The following USH2A variants were observed in gnomAD, a reference collection of about 807,000 sequenced individuals.
USH2A encodes the protein usherin.
USH2A carries 443 observed loss-of-function variants against 538.9 expected under a neutral mutation model. That is an observed-to-expected ratio of 0.82 (90% CI 0.76 to 0.89). The LOEUF is 0.89. Ranked by LOEUF, USH2A falls within the 40% of genes least tolerant of loss-of-function variation. USH2A has a pLI of 0.00. For synonymous variants in USH2A, 2,413 were observed against 2,273.5 expected (o/e 1.06, Z -1.75); for missense variants, 6,633 against 6,324.8 (o/e 1.05, Z -1.65).
chr1:216,405,522 T>C (rs2039380955), intron 3 of USH2A, among the ~76,000 whole-genome samples: 1 of 152,150 alleles, frequency 6.6e-6, no homozygotes, highest in Admixed American at 6.6e-5. Context: ...TTATTTTAAA[T>C]AGTAAAATAA....
At chr1:216,085,795 C>A (rs2032111367) in intron 24 of USH2A, among the ~76,000 whole-genome samples, 1 of 151,688 alleles carries the variant, frequency 6.6e-6, no homozygotes, top group South Asian at 2.1e-4. Flanking sequence ...TGAATGAAAA[C>A]CCTCTCTAAT....
At chr1:215,955,890 A>G (rs1481579518) in intron 37 of USH2A, among the ~76,000 whole-genome samples, 2 of 152,188 alleles carry the variant, frequency 1.3e-5, no homozygotes, top group Non-Finnish European at 2.9e-5. Context: ...ATAACTCTGT[A>G]TAATGATAAG....
chr1:216,280,175 A>C (rs376366447), intron 11 of USH2A, among the ~76,000 whole-genome samples: 1 of 151,766 alleles, frequency 6.6e-6, no homozygotes, highest in South Asian at 2.1e-4. Context: ...CCTCCAACTC[A>C]GGATGCATGT....
intron 11 of USH2A, among the ~76,000 whole-genome samples, chr1:216,261,178 A>G (rs1411187514): frequency 6.6e-6 from 1 of 152,180 alleles, no homozygotes; most frequent in Admixed American, 6.6e-5. Flanking sequence ...GGAATTAGAG[A>G]TGGAAGAAAT....
intron 35 of USH2A, among the ~76,000 whole-genome samples, chr1:215,987,485 G>A (rs1309701534): frequency 3.9e-5 from 6 of 152,180 alleles, no homozygotes; most frequent in Non-Finnish European, 8.8e-5. Context: ...CAGAGGGAAC[G>A]TGGGTGCAAA....
chr1:216,126,048 T>C (rs948179660), intron 21 of USH2A, among the ~76,000 whole-genome samples: 1 of 152,182 alleles, frequency 6.6e-6, no homozygotes, highest in Non-Finnish European at 1.5e-5. Context: ...CTTATCAAAG[T>C]AGAAATGCAG....
rs1284282019 is a variant in USH2A, at chr1:215,622,903, C to CAAAT, written c.*2874_*2877dup. 3 of 151,986 alleles carry CAAAT rather than the reference C, an allele frequency of 2.0e-5. No individual in the cohort carries two copies. Among genetic ancestry groups the CAAAT allele is most frequent in the Non-Finnish European group, 2.9e-5 (2 of 67,974 alleles). The allele number at this position is 151,986 out of a possible 1,614,324, so 9.4% of individuals were successfully genotyped here. A position where few individuals can be genotyped will look rare whatever the true frequency, so the allele number is the denominator to read the frequency against. On this transcript the variant is annotated 3_prime_UTR_variant, in exon 72 of 72. Transcript: ENST00000307340. Reference sequence around the variant, plus strand: ...GATTAAGCCAGAATTAGGTCACATTCAAATATTTATTAAGCAAACCATCTT... The same window carrying CAAAT: ...GATTAAGCCAGAATTAGGTCACATTCAAATAAATATTTATTAAGCAAACCATCTT...
At chr1:215,890,251 C>A (rs1339926419) in intron 40 of USH2A, among the ~76,000 whole-genome samples, 1 of 152,116 alleles carries the variant, frequency 6.6e-6, no homozygotes, top group South Asian at 2.1e-4. Context: ...TATTGAAAAT[C>A]TTTAAAAAAG....
chr1:215,666,202 A>C (rs924206330), intron 64 of USH2A, among the ~76,000 whole-genome samples: 2 of 152,182 alleles, frequency 1.3e-5, no homozygotes, highest in Admixed American at 1.3e-4. Flanking sequence ...GGTGAACTTT[A>C]CTCTTACCAC....
At chr1:215,640,812 AT>A (rs777396474) in intron 67 of USH2A, 78 bp from the exon 68 acceptor site, 33 of 1,414,268 alleles carry the variant, frequency 2.3e-5, no homozygotes, top group South Asian at 9.7e-5. Context: ...AAAAAAAAAA[AT>A]ATGAGCAAAA....
At chr1:216,272,680 G>T (rs1204751012) in intron 11 of USH2A, among the ~76,000 whole-genome samples, 1 of 152,022 alleles carries the variant, frequency 6.6e-6, no homozygotes, top group African/African-American at 2.4e-5. Context: ...TAAACTCCCA[G>T]AAAAATGCTG....
intron 21 of USH2A, among the ~76,000 whole-genome samples, chr1:216,156,362 C>G (rs2033940468): frequency 7.3e-6 from 1 of 136,980 alleles, no homozygotes; most frequent in African/African-American, 2.8e-5. Context: ...TTCACTAATC[C>G]TCTAGACTGG....
intron 11 of USH2A, among the ~76,000 whole-genome samples, chr1:216,263,834 T>G (rs1344522553): frequency 6.6e-6 from 1 of 152,102 alleles, no homozygotes; most frequent in African/African-American, 2.4e-5. Flanking sequence ...CAACTAGTTC[T>G]GGTTTACAGA....
intron 11 of USH2A, among the ~76,000 whole-genome samples, chr1:216,281,490 C>T (rs976170716): frequency 2.0e-5 from 3 of 152,098 alleles, no homozygotes; most frequent in Admixed American, 1.3e-4. Flanking sequence ...CTCTATTCTT[C>T]GTCCGTCTTC....
chr1:215,793,722 G>T (rs541167001), intron 50 of USH2A, among the ~76,000 whole-genome samples: 1 of 152,226 alleles, frequency 6.6e-6, no homozygotes, highest in East Asian at 1.9e-4. Flanking sequence ...TTGTTCTACT[G>T]AAGTCAGAGT....
intron 70 of USH2A, among the ~76,000 whole-genome samples, chr1:215,633,302 C>T (rs1656367265): frequency 6.6e-6 from 1 of 152,080 alleles, no homozygotes; most frequent in African/African-American, 2.4e-5. Context: ...AGAGCCAAGG[C>T]CCTGATGGTG....
chr1:215,984,894 T>C (rs1303203757), intron 35 of USH2A, among the ~76,000 whole-genome samples: 1 of 152,212 alleles, frequency 6.6e-6, no homozygotes, highest in Non-Finnish European at 1.5e-5. Flanking sequence ...TGTGAATACT[T>C]GATCCTTCAA....
chr1:215,637,615 A>G (rs559156181), intron 69 of USH2A, among the ~76,000 whole-genome samples: 2 of 152,342 alleles, frequency 1.3e-5, no homozygotes, highest in East Asian at 3.9e-4. Context: ...AAATGAAATA[A>G]GCCGTATGAG....
At chr1:216,097,236 C>G (rs990954828) in intron 21 of USH2A, 23 bp from the exon 22 acceptor site, 2 of 1,613,886 alleles carry the variant, frequency 1.2e-6, no homozygotes, top group Admixed American at 1.7e-5. Flanking sequence ...GTGTGATCAG[C>G]AAATCAGTGC....
Sources: gnomAD v4.1 joint callset for allele counts (sites outside exome capture counted in the v4.1 genomes callset) on GRCh38, gnomAD v4.1.1 for gene constraint, MANE v1.5 for transcripts, NCBI Gene and HGNC (gene_info 2026-07-23, HGNC 2026-07-21) for gene names.